Variants in WWOX observed in about 807,000 individuals in gnomAD.
WWOX encodes the protein WW domain containing oxidoreductase, also known as WW domain-containing oxidoreductase.
In WWOX, 69 loss-of-function variants were observed where a neutral mutation model predicts 46.2. The observed-to-expected ratio is 1.49, with a 90% CI of 1.23 to 1.82. The LOEUF (loss-of-function observed/expected upper bound fraction) is 1.82, where lower values mean the gene tolerates loss of function less well. Among genes scored for constraint, WWOX ranks in the 40% most tolerant of loss-of-function variants. The probability of loss-of-function intolerance (pLI) is 0.00; values close to 1 mark genes in which losing one functional copy is unlikely to be tolerated. For missense variants in WWOX, 919 were observed against 542.6 expected, an observed-to-expected ratio of 1.69 and a Z score of -6.89; for synonymous variants, 359 against 202.6, an observed-to-expected ratio of 1.77 and a Z score of -6.56.
chr16:78,217,589 T>G (rs201585901), intron 5 of WWOX, among the ~76,000 whole-genome samples: 134 of 152,238 alleles, frequency 8.8e-4, no homozygotes, highest in African/African-American at 3.2e-3. Context: ...GCTTCCGACC[T>G]TAATAGAGAC....
intron 8 of WWOX, among the ~76,000 whole-genome samples, chr16:79,099,377 C>A (rs2049143986): frequency 6.6e-6 from 1 of 152,176 alleles, no homozygotes; most frequent in African/African-American, 2.4e-5. Context: ...GGTCCCGTGA[C>A]AATTAGCCTT....
At chr16:78,788,186 C>T (rs1295614650) in intron 8 of WWOX, among the ~76,000 whole-genome samples, 1 of 152,154 alleles carries the variant, frequency 6.6e-6, no homozygotes, top group African/African-American at 2.4e-5. Flanking sequence ...GTTGTTGCTT[C>T]TGTTTTTGGT....
intron 8 of WWOX, among the ~76,000 whole-genome samples, chr16:79,003,966 C>A (rs1376239363): frequency 6.6e-6 from 1 of 152,272 alleles, no homozygotes; most frequent in African/African-American, 2.4e-5. Flanking sequence ...CTTCCCTTTG[C>A]CAAGAAAGTT....
intron 8 of WWOX, among the ~76,000 whole-genome samples, chr16:78,697,718 G>A (rs1201796493): frequency 1.3e-5 from 2 of 152,152 alleles, no homozygotes; most frequent in African/African-American, 2.4e-5. Flanking sequence ...GGTAGGCTCG[G>A]CTAAGCTATC....
Position 78,499,152 on chromosome 16 carries a change from G to C in WWOX, c.1056+66400G>C, listed in dbSNP as rs2084991969. Among the ~76,000 whole-genome samples the C allele has an allele frequency of 2.0e-5, 3 of 152,198 alleles. No individual in the cohort carries two copies. In the South Asian group the frequency reaches 6.2e-4, roughly 32 times the overall value. ...CATGTGGGCCCTTCTCTTTCCTCGT[G>C]ATGCACGGTGATAGTGCGTATCTAA... On this transcript the variant is annotated intron_variant, in intron 8 of 8. Coordinates refer to ENST00000566780, the MANE Select transcript of WWOX (RefSeq NM_016373.4).
chr16:78,594,113 C>T (rs1249740169), intron 8 of WWOX, among the ~76,000 whole-genome samples: 1 of 152,036 alleles, frequency 6.6e-6, no homozygotes, highest in African/African-American at 2.4e-5. Context: ...TTCTCAACTC[C>T]TTCTCAACTC....
chr16:78,423,456 T>A (rs2083000048), intron 6 of WWOX, among the ~76,000 whole-genome samples: 1 of 152,210 alleles, frequency 6.6e-6, no homozygotes, highest in Admixed American at 6.5e-5. Context: ...GCCTTGTATA[T>A]ATTTATTTTG....
intron 5 of WWOX, among the ~76,000 whole-genome samples, chr16:78,255,923 A>C (rs369934657): frequency 6.6e-6 from 1 of 152,056 alleles, no homozygotes; most frequent in Non-Finnish European, 1.5e-5. Context: ...AGGCTGAGGT[A>C]GGTGGATCAC....
chr16:78,747,063 C>T (rs756065967), intron 8 of WWOX, among the ~76,000 whole-genome samples: 17 of 152,080 alleles, frequency 1.1e-4, no homozygotes, highest in Non-Finnish European at 2.5e-4. Flanking sequence ...AATGTCCTCC[C>T]AATATCCTGC....
At chr16:78,267,134 A>G (rs2079383648) in intron 5 of WWOX, 1 of 154,052 alleles carries the variant, frequency 6.5e-6, no homozygotes, top group South Asian at 2.0e-4. Flanking sequence ...GTGGAACTGT[A>G]AGTCCAATTA....
intron 8 of WWOX, among the ~76,000 whole-genome samples, chr16:78,578,256 A>ATATATATATATATATATATT (rs1235636809): frequency 6.7e-4 from 16 of 23,750 alleles, no homozygotes; most frequent in Admixed American, 4.7e-3. Flanking sequence ...ACCAAATTTT[A>ATATATATATATATATATATT]TATATATATA....
At chr16:79,026,815 G>A (rs1204185167) in intron 8 of WWOX, among the ~76,000 whole-genome samples, 1 of 138,980 alleles carries the variant, frequency 7.2e-6, no homozygotes, top group African/African-American at 2.8e-5. Context: ...ATTTTTAATA[G>A]AGACGGGGTT....
chr16:78,680,055 C>T (rs2047693484), intron 8 of WWOX, among the ~76,000 whole-genome samples: 1 of 152,212 alleles, frequency 6.6e-6, no homozygotes, highest in Admixed American at 6.5e-5. Context: ...GTTTTCTCAT[C>T]TGTAAAGTAG....
At chr16:79,096,344 G>T (rs1425604406) in intron 8 of WWOX, among the ~76,000 whole-genome samples, 1 of 152,076 alleles carries the variant, frequency 6.6e-6, no homozygotes, top group African/African-American at 2.4e-5. Context: ...TCTCGAGCTG[G>T]CCATGGCATC....
At chr16:78,816,005 C>T (rs985438756) in intron 8 of WWOX, among the ~76,000 whole-genome samples, 1 of 152,166 alleles carries the variant, frequency 6.6e-6, no homozygotes, top group Non-Finnish European at 1.5e-5. Context: ...GCTCAATCAC[C>T]CTAGAACTGT....
chr16:78,627,813 G>T (rs889608621), intron 8 of WWOX, among the ~76,000 whole-genome samples: 1 of 152,198 alleles, frequency 6.6e-6, no homozygotes, highest in East Asian at 1.9e-4. Context: ...TCAGGGTGTT[G>T]GGCTCTGACA....
At chr16:78,689,090 T>C (rs9927906) in intron 8 of WWOX, among the ~76,000 whole-genome samples, 53,323 of 151,976 alleles carry the variant, frequency 0.35, 9,999 homozygotes, top group African/African-American at 0.42. Flanking sequence ...TCTTTATTAG[T>C]GGCATGAGAA....
intron 8 of WWOX, among the ~76,000 whole-genome samples, chr16:78,998,354 G>A (rs1410598092): frequency 6.6e-6 from 1 of 152,140 alleles, no homozygotes; most frequent in Non-Finnish European, 1.5e-5. Context: ...AGGGTCTGTG[G>A]GTTTTCACGC....
At chr16:78,332,068 G>C (rs1267708952) in intron 5 of WWOX, among the ~76,000 whole-genome samples, 2 of 152,102 alleles carry the variant, frequency 1.3e-5, no homozygotes, top group African/African-American at 2.4e-5. Flanking sequence ...CTCTGTTGAG[G>C]CTCAGCTCAA....
Sources: allele counts gnomAD v4.1 joint callset (sites outside exome capture counted in the v4.1 genomes callset), GRCh38; gene constraint gnomAD v4.1.1; transcripts MANE v1.5; gene names NCBI Gene and HGNC (gene_info 2026-07-23, HGNC 2026-07-21).